The following C17orf67 variants were observed in gnomAD, a reference collection of about 807,000 sequenced individuals.
C17orf67 encodes the protein chromosome 17 open reading frame 67, also known as uncharacterized protein C17orf67.
C17orf67 carries 12 observed loss-of-function variants against 11.2 expected under a neutral mutation model. That is an observed-to-expected ratio of 1.07 (90% CI 0.68 to 1.73). C17orf67 has a LOEUF of 1.73. Ranked by LOEUF, C17orf67 falls within the 40% of genes most tolerant of loss-of-function variation. The pLI, the probability that C17orf67 is intolerant of heterozygous loss-of-function variation, is 0.00. For synonymous variants in C17orf67, 59 were observed against 46.9 expected, an observed-to-expected ratio of 1.26 and a Z score of -1.05; for missense variants, 115 against 113.5, an observed-to-expected ratio of 1.01 and a Z score of -0.06.
chr17:56,821,994 C>T (rs1322188377), intron 4 of C17orf67, among the ~76,000 whole-genome samples: 3 of 152,232 alleles, frequency 2.0e-5, no homozygotes, highest in Non-Finnish European at 2.9e-5. Context: ...AATTAGCTTA[C>T]ATGCAAAGTA....
rs117486106 is a variant in C17orf67, at chr17:56,833,667, C to G, written c.-1051G>C. 14,238 of 151,956 alleles carry G rather than the reference C, an allele frequency of 0.094. 884 individuals are homozygous for G. Among genetic ancestry groups the G allele is most frequent in the Non-Finnish European group, 0.13 (8,958 of 68,066 alleles). 9.4% of individuals were successfully genotyped at this position (151,956 alleles called of 1,614,324 possible). A position where few individuals can be genotyped will look rare whatever the true frequency, so the allele number is the denominator to read the frequency against. ...GCGGTGCCGCGCAGGCCGCCTCCCC[C>G]CCTCGCTTCCCAGTCGGCTTACGCA... On this transcript the variant is annotated 5_prime_UTR_variant, in exon 1 of 8. Transcript: ENST00000397861.
At chr17:56,804,388 G>A (rs1276922268) in intron 6 of C17orf67, 1 of 152,106 alleles carries the variant, frequency 6.6e-6, no homozygotes, top group Non-Finnish European at 1.5e-5. Context: ...AAATTATTTT[G>A]CTCATTAGTA....
chr17:56,816,226 C>G (rs1041306842), intron 4 of C17orf67, among the ~76,000 whole-genome samples: 1 of 152,156 alleles, frequency 6.6e-6, no homozygotes, highest in Non-Finnish European at 1.5e-5. Flanking sequence ...AGCCCATTCA[C>G]CAGTCTAATT....
In C17orf67 at chr17:56,811,773, C is replaced by T. The variant is rs145553876; in HGVS notation, c.156+3096G>A. On this transcript the variant is annotated intron_variant, in intron 6 of 7. Transcript: ENST00000397861. ...CTTGATCAGCACGCACCACTTGACC[C>T]TCTCACTCTCTCTTTTTGTCTAAAC... 9.8e-4 allele frequency among the ~76,000 whole-genome samples: 149 copies of T among 152,320 alleles called. 1 individual carries two copies. Among genetic ancestry groups the T allele is most frequent in the African/African-American group, 3.4e-3 (140 of 41,552 alleles).
At chr17:56,828,324 G>C (rs1906097031) in intron 2 of C17orf67, among the ~76,000 whole-genome samples, 1 of 151,630 alleles carries the variant, frequency 6.6e-6, no homozygotes. Flanking sequence ...AGAATCGCTT[G>C]AACCCAGGAG....
At chr17:56,797,552 A>G (rs999956915) in intron 6 of C17orf67, among the ~76,000 whole-genome samples, 1 of 152,178 alleles carries the variant, frequency 6.6e-6, no homozygotes, top group Admixed American at 6.5e-5. Context: ...GACTGGGGTC[A>G]GGGCAGAGAA....
intron 4 of C17orf67, among the ~76,000 whole-genome samples, chr17:56,823,216 A>G (rs1905948051): frequency 6.6e-6 from 1 of 152,182 alleles, no homozygotes. Context: ...GAAAAGCTCT[A>G]GTTCTGGGGA....
chr17:56,815,837 T>G lies in C17orf67; in HGVS notation c.-27A>C, dbSNP rs779406160. On this transcript the variant is annotated 5_prime_UTR_variant, in exon 5 of 8. Coordinates refer to ENST00000397861, the MANE Select transcript of C17orf67 (RefSeq NM_001085430.4). ...CTGCCTTGGTTCCTCTGCCTCTTGC[T>G]GAGTGAATCCTCCCAGACTGAGTCA... 1 of 1,613,654 alleles carries G rather than the reference T, an allele frequency of 6.2e-7. No homozygotes were observed. The highest frequency in any genetic ancestry group is 8.5e-7 in the Non-Finnish European group (1 of 1,179,738).
rs1906179515 is a variant in C17orf67, at chr17:56,830,848, G to T, written c.-557+2050C>A. 2.6e-5 allele frequency among the ~76,000 whole-genome samples: 4 copies of T among 152,164 alleles called. No individual in the cohort carries two copies. In the South Asian group the frequency reaches 8.3e-4, roughly 32 times the overall value. The stretch of plus-strand genomic sequence containing the variant: ...ATGTGGGGCAATCTTGGTAGGGGTG[G>T]TCAGCAAGGCCTCTGTCGGGAGGGA... On this transcript the variant is annotated intron_variant, in intron 2 of 7. Transcript: ENST00000397861.
intron 6 of C17orf67, among the ~76,000 whole-genome samples, chr17:56,805,070 C>G (rs564797647): frequency 6.6e-6 from 1 of 152,280 alleles, no homozygotes; most frequent in East Asian, 1.9e-4. Context: ...AGAAGTAAAA[C>G]AACTAGTCCA....
rs1208833805 is a variant in C17orf67, at chr17:56,833,268, G to A, written c.-927C>T. ...GCTGATGTGCTGCAGGCTGCAGCCC[G>A]CGTGGTCGCGGCTCAGGTCCGTGTT... On this transcript the variant is annotated 5_prime_UTR_variant, in exon 2 of 8. Coordinates refer to ENST00000397861, the MANE Select transcript of C17orf67 (RefSeq NM_001085430.4). The A allele has an allele frequency of 1.9e-5, 3 of 154,340 alleles. No individual in the cohort carries two copies. Among genetic ancestry groups the A allele is most frequent in the East Asian group, 3.8e-4 (2 of 5,270 alleles). The allele number at this position is 154,340 out of a possible 1,614,324, so 9.6% of individuals were successfully genotyped here. A position where few individuals can be genotyped will look rare whatever the true frequency, so the allele number is the denominator to read the frequency against.
intron 6 of C17orf67, among the ~76,000 whole-genome samples, chr17:56,805,971 C>CTTTTTTTTTT (rs10684052): frequency 2.0e-5 from 2 of 98,016 alleles, no homozygotes; most frequent in Admixed American, 1.4e-4. Flanking sequence ...GTTGATTTTC[C>CTTTTTTTTTT]TTTTTTTTTT....
chr17:56,815,972 ACTGAAATATTTTCCTCCGAATTC>A lies in C17orf67; in HGVS notation c.-185_-163del. 1 of 1,386,910 alleles carries A rather than the reference ACTGAAATATTTTCCTCCGAATTC, an allele frequency of 7.2e-7. No individual in the cohort carries two copies. The highest frequency in any genetic ancestry group is 9.6e-7 in the Non-Finnish European group (1 of 1,036,450). 85.9% of individuals were successfully genotyped at this position (1,386,910 alleles called of 1,614,324 possible). Reference sequence around the variant, plus strand: ...GACTCTGAGCGTTTTAGTAATGACCACTGAAATATTTTCCTCCGAATTCCTGTAAATTTTCATCCTGAGGAAGG... The same window carrying A: ...GACTCTGAGCGTTTTAGTAATGACCACTGTAAATTTTCATCCTGAGGAAGG... On this transcript the variant is annotated 5_prime_UTR_variant, in exon 5 of 8. The change creates a premature stop within an existing upstream ORF in the 5' untranslated region. Transcript: ENST00000397861.
At chr17:56,795,842 C>T (rs922618667) in intron 6 of C17orf67, among the ~76,000 whole-genome samples, 1 of 152,130 alleles carries the variant, frequency 6.6e-6, no homozygotes, top group African/African-American at 2.4e-5. Context: ...TATACTGTAG[C>T]TATATACAAC....
intron 7 of C17orf67, among the ~76,000 whole-genome samples, chr17:56,794,010 T>C (rs1050617816): frequency 1.3e-5 from 2 of 152,176 alleles, no homozygotes; most frequent in Non-Finnish European, 2.9e-5. Flanking sequence ...CACACAGGAC[T>C]GTGCAACACG....
chr17:56,814,781 G>T, intron 6 of C17orf67, 88 bp downstream of exon 6: 2 of 1,250,390 alleles, frequency 1.6e-6, no homozygotes, highest in South Asian at 1.2e-5. Context: ...CTAACTAGCA[G>T]CCCATGCTGG....
chr17:56,832,961 G>A lies in C17orf67; in HGVS notation c.-620C>T, dbSNP rs543344012. 2.0e-5 allele frequency: 3 copies of A among 152,378 alleles called. No individual in the cohort carries two copies. Among genetic ancestry groups the A allele is most frequent in the South Asian group, 2.1e-4 (1 of 4,836 alleles). The allele number at this position is 152,378 out of a possible 1,614,324, so 9.4% of individuals were successfully genotyped here. A position where few individuals can be genotyped will look rare whatever the true frequency, so the allele number is the denominator to read the frequency against. ...TTATGTCTTCTCTAATCGTTTGGAA[G>A]ATATTATCAAGTATTTCTTTGCAGT... On this transcript the variant is annotated 5_prime_UTR_variant, in exon 2 of 8. Transcript: ENST00000397861.
chr17:56,822,216 C>T (rs183383847), intron 4 of C17orf67, among the ~76,000 whole-genome samples: 9 of 152,310 alleles, frequency 5.9e-5, no homozygotes, highest in Admixed American at 4.6e-4. Context: ...CTAACTGATA[C>T]AGAGGATTCT....
At chr17:56,822,067 C>T (rs1270076249) in intron 4 of C17orf67, among the ~76,000 whole-genome samples, 1 of 152,204 alleles carries the variant, frequency 6.6e-6, no homozygotes, top group Non-Finnish European at 1.5e-5. Flanking sequence ...CAACCCAGCC[C>T]GGTCTATTTC....
Sources: gnomAD v4.1 joint callset for allele counts (sites outside exome capture counted in the v4.1 genomes callset) on GRCh38, gnomAD v4.1.1 for gene constraint, MANE v1.5 for transcripts, NCBI Gene and HGNC (gene_info 2026-07-23, HGNC 2026-07-21) for gene names.